The following HERC1 variants were observed in gnomAD, a reference collection of about 807,000 sequenced individuals.
HERC1 encodes probable E3 ubiquitin-protein ligase HERC1.
HERC1 carries 160 observed loss-of-function variants against 554.3 expected under a neutral mutation model. That is an observed-to-expected ratio of 0.29 (90% CI 0.25 to 0.33). The LOEUF (loss-of-function observed/expected upper bound fraction) is 0.33, where lower values mean the gene tolerates loss of function less well. Ranked by LOEUF, HERC1 falls within the 10% of genes least tolerant of loss-of-function variation. The pLI is 1.00. For missense variants in HERC1, 4,919 were observed against 5,918.5 expected (o/e 0.83, Z 5.54); for synonymous variants, 2,175 against 2,131.7 (o/e 1.02, Z -0.56).
In HERC1 at chr15:63,829,479, A is replaced by ATATATATATAT. The variant is rs1555455605; in HGVS notation, c.-27+4347_-27+4348insATATATATATA. On this transcript the variant is annotated intron_variant, in intron 1 of 77. Transcript: ENST00000443617. ...GTGTGTGCACATATATGTTTATATA[A>ATATATATATAT]ATATATATATATATATATATACACA... 9.6e-4 allele frequency among the ~76,000 whole-genome samples: 84 copies of ATATATATATAT among 87,580 alleles called. 1 individual carries two copies. Among genetic ancestry groups the ATATATATATAT allele is most frequent in the Admixed American group, 2.1e-3 (18 of 8,690 alleles). 57.5% of individuals were successfully genotyped at this position (87,580 alleles called of 152,430 possible).
intron 63 of HERC1, 47 bp from the exon 64 acceptor site, chr15:63,637,690 C>T: frequency 1.4e-6 from 2 of 1,443,514 alleles, no homozygotes; most frequent in Non-Finnish European, 1.9e-6. Context: ...TATTATATTG[C>T]TTTAACATGC....
chr15:63,671,115 A>ACC (rs2070891734), intron 39 of HERC1, among the ~76,000 whole-genome samples: 1 of 151,508 alleles, frequency 6.6e-6, no homozygotes, highest in African/African-American at 2.4e-5. Context: ...AGGCAGGAGA[A>ACC]TCGCTTGAAC....
Position 63,643,432 on chromosome 15 carries a change from C to T in HERC1, c.11303G>A (p.Gly3768Asp), listed in dbSNP as rs201996483. 1.2e-6 allele frequency: 2 copies of T among 1,613,370 alleles called. No homozygotes were observed. Among genetic ancestry groups the T allele is most frequent in the African/African-American group, 2.7e-5 (2 of 74,924 alleles). The change falls in exon 58 of 78, where the codon GGT (glycine) becomes GAT (aspartate). Residue 3768 changes from glycine to aspartate, a missense_variant. Physicochemically the swap from Gly to Asp is moderately conservative, Grantham distance 94. Transcript: ENST00000443617. Reference protein sequence around the residue: ...DGLALVSGGLGGLMNIWSLRD... With the variant: ...DGLALVSGGLDGLMNIWSLRD... Reference sequence around the variant, plus strand: ...TAAAGACCAAATGTTCATGAGCCCACCTAGTCCACCAGACACCAGGGCCAA... The same window carrying T: ...TAAAGACCAAATGTTCATGAGCCCATCTAGTCCACCAGACACCAGGGCCAA...
At chr15:63,700,080 A>G (rs2072633755) in intron 25 of HERC1, among the ~76,000 whole-genome samples, 1 of 152,068 alleles carries the variant, frequency 6.6e-6, no homozygotes, top group Non-Finnish European at 1.5e-5. Context: ...AAGTTTTATT[A>G]TCCTGAGGCC....
intron 1 of HERC1, among the ~76,000 whole-genome samples, chr15:63,823,021 T>C (rs1191401005): frequency 6.6e-6 from 1 of 152,176 alleles, no homozygotes; most frequent in African/African-American, 2.4e-5. Context: ...ACAAATTTAG[T>C]TTGAGATGTC....
chr15:63,713,233 T>C, intron 23 of HERC1, 120 bp downstream of exon 23: 1 of 838,970 alleles, frequency 1.2e-6, no homozygotes, highest in Admixed American at 2.7e-5. Flanking sequence ...CAATTTGCAT[T>C]TCTTCTTTCA....
At chr15:63,761,092 T>C (rs2142253124) in intron 3 of HERC1, among the ~76,000 whole-genome samples, 1 of 152,284 alleles carries the variant, frequency 6.6e-6, no homozygotes, top group Admixed American at 6.5e-5. Context: ...TTATCAACAC[T>C]GACATTCAAG....
Position 63,630,617 on chromosome 15 carries a change from G to A in HERC1, c.12815C>T (p.Pro4272Leu), listed in dbSNP as rs2068505839. The A allele has an allele frequency of 2.5e-6, 4 of 1,612,832 alleles. No individual in the cohort carries two copies. Among genetic ancestry groups the A allele is most frequent in the African/African-American group, 1.3e-5 (1 of 74,886 alleles). ...TFGQDRLIGLPEGRARNHNRP... is the reference protein window; with the variant it reads ...TFGQDRLIGLLEGRARNHNRP... ...ATTGTGATTGCGAGCACGCCCCTCT[G>A]GCAAGCCTATCAGGCGATCTGAAAA... The change falls in exon 69 of 78, where the codon CCA becomes CTA. Residue 4272 changes from proline to leucine, a missense_variant. Pro to Leu is a moderately conservative substitution (Grantham distance 98). This residue lies in a region of HERC1 where 410 missense variants were observed against 467.0 expected (regional missense o/e 0.88). Coordinates refer to ENST00000443617, the MANE Select transcript of HERC1 (RefSeq NM_003922.4).
intron 12 of HERC1, among the ~76,000 whole-genome samples, chr15:63,736,302 G>A (rs868864637): frequency 6.6e-5 from 10 of 152,188 alleles, no homozygotes; most frequent in Non-Finnish European, 1.0e-4. Context: ...CACAGTTGAA[G>A]GCAGGAATAC....
chr15:63,820,481 C>T (rs987191622), intron 1 of HERC1, among the ~76,000 whole-genome samples: 5 of 152,024 alleles, frequency 3.3e-5, no homozygotes, highest in East Asian at 1.9e-4. Flanking sequence ...TTAGGTTAAC[C>T]ACTTATTTCC....
intron 24 of HERC1, among the ~76,000 whole-genome samples, chr15:63,708,904 G>C (rs1353736134): frequency 2.0e-5 from 3 of 152,166 alleles, no homozygotes; most frequent in Non-Finnish European, 4.4e-5. Context: ...ATCTGAAATG[G>C]AATCTGCTTT....
chr15:63,818,922 A>G (rs2077588724), intron 1 of HERC1, among the ~76,000 whole-genome samples: 1 of 152,224 alleles, frequency 6.6e-6, no homozygotes, highest in Non-Finnish European at 1.5e-5. Context: ...GGTTTAAAAG[A>G]TATTATAGTG....
rs758468506 is a variant in HERC1, at chr15:63,674,369, C to T, written c.7819G>A (p.Asp2607Asn). ...TGCTTAATTTTGCCCCCAAACTGGT[C>T]TTCCAAAAGCCCATGAACCACTAAT... ...YKLVVHGLLE[D>N]QFGGKIKQEI... The change falls in exon 38 of 78, where the codon GAC becomes AAC. Residue 2607 changes from aspartate (D) to asparagine (N), a missense_variant. This residue lies in a region of HERC1 where 1,963 missense variants were observed against 2,228.6 expected (regional missense o/e 0.88). Transcript: ENST00000443617. 1 of 1,606,750 alleles carries T rather than the reference C, an allele frequency of 6.2e-7. No individual in the cohort carries two copies. Among genetic ancestry groups the T allele is most frequent in the Admixed American group, 1.7e-5 (1 of 59,314 alleles).
intron 1 of HERC1, among the ~76,000 whole-genome samples, chr15:63,829,559 G>GTATATATATATATATA (rs1316907768): frequency 2.1e-5 from 2 of 94,680 alleles, no homozygotes; most frequent in Admixed American, 1.1e-4. Flanking sequence ...GTGTGTGTGT[G>GTATATATATATATATA]TGTATATATA....
intron 39 of HERC1, among the ~76,000 whole-genome samples, chr15:63,671,933 T>C (rs2070949109): frequency 2.6e-5 from 4 of 152,196 alleles, no homozygotes; most frequent in Admixed American, 2.6e-4. Context: ...CATTTGTATA[T>C]ACATCTGGCA....
chr15:63,651,301 A>T lies in HERC1; in HGVS notation c.10498T>A (p.Tyr3500Asn). ...SPVSWSISGK[Y>N]LAGALEKMVN... is the part of the protein sequence containing the mutation. ...ATCTTTTCCAAAGCGCCTGCTAGATATTTGCCACTGATACTCCAGGAAACT... is the reference window on the plus strand; with the variant it reads ...ATCTTTTCCAAAGCGCCTGCTAGATTTTTGCCACTGATACTCCAGGAAACT... Residue 3500 changes from tyrosine to asparagine, a missense_variant, in exon 53 of 78, where the codon TAT becomes AAT. Physicochemically the swap from Tyr to Asn is moderately radical, Grantham distance 143 (BLOSUM62 -2). Around this residue, in one of 11 missense-constraint regions of HERC1, gnomAD observed 1,963 missense variants for 2,228.6 expected, o/e 0.88. Coordinates refer to ENST00000443617, the MANE Select transcript of HERC1 (RefSeq NM_003922.4). The T allele has an allele frequency of 6.2e-7, 1 of 1,613,900 alleles. No individual in the cohort carries two copies. Among genetic ancestry groups the T allele is most frequent in the Non-Finnish European group, 8.5e-7 (1 of 1,179,804 alleles).
In HERC1 at chr15:63,756,966, A is replaced by G. The variant is rs1043387398; in HGVS notation, c.1222-218T>C. On this transcript the variant is annotated intron_variant, in intron 4 of 77. Transcript: ENST00000443617. This position sits in a 1 kb window ranked among gnomAD's most constrained non-coding sequence, Gnocchi z 5.0. ...AGTTCAAATTCTTCATGTATATGTT[A>G]TCTTTCCAGGTTATTGTCCAGGTTA... Among the ~76,000 whole-genome samples, 2 of 152,180 alleles carry G rather than the reference A, an allele frequency of 1.3e-5. No homozygotes were observed. Among genetic ancestry groups the G allele is most frequent in the Non-Finnish European group, 2.9e-5 (2 of 68,024 alleles).
chr15:63,627,251 C>A (rs552397961), intron 70 of HERC1, among the ~76,000 whole-genome samples: 7 of 151,838 alleles, frequency 4.6e-5, no homozygotes, highest in Non-Finnish European at 1.0e-4. Flanking sequence ...AATCTTAGGA[C>A]CCCCCCTAAG....
intron 14 of HERC1, among the ~76,000 whole-genome samples, chr15:63,730,457 ATAAAAT>A (rs1407790549): frequency 6.6e-6 from 1 of 152,158 alleles, no homozygotes; most frequent in Non-Finnish European, 1.5e-5. Flanking sequence ...CCTGTCTCTA[ATAAAAT>A]TAAAATTAAA....
Sources: allele counts gnomAD v4.1 joint callset (sites outside exome capture counted in the v4.1 genomes callset), GRCh38; gene constraint gnomAD v4.1.1; regional missense constraint gnomAD v4.1.1; non-coding constraint Gnocchi (gnomAD v3.1); transcripts MANE v1.5; gene names NCBI Gene and HGNC (gene_info 2026-07-23, HGNC 2026-07-21).